The following ERC2 variants were observed in gnomAD, a reference collection of about 807,000 sequenced individuals.
ERC2 encodes the protein ERC protein 2.
ERC2 carries 42 observed loss-of-function variants against 114.8 expected under a neutral mutation model. The observed-to-expected ratio is 0.37, with a 90% confidence interval of 0.29 to 0.47. ERC2 has a LOEUF of 0.47. ERC2 is among the 20% of genes least tolerant of loss of function. The pLI is 0.99. For synonymous variants in ERC2, 454 were observed against 425.5 expected, an observed-to-expected ratio of 1.07 and a Z score of -0.82; for missense variants, 939 against 1,150.7, an observed-to-expected ratio of 0.82 and a Z score of 2.66.
chr3:56,369,297 A>G (rs974881628), intron 2 of ERC2, among the ~76,000 whole-genome samples: 16 of 152,226 alleles, frequency 1.1e-4, no homozygotes, highest in African/African-American at 3.6e-4. Flanking sequence ...TTCTGAACAC[A>G]CTGTCTATCA....
chr3:55,765,350 C>T (rs1342200824), intron 14 of ERC2, among the ~76,000 whole-genome samples: 1 of 152,158 alleles, frequency 6.6e-6, no homozygotes, highest in East Asian at 1.9e-4. Flanking sequence ...GATTAAATTG[C>T]CCATCCATCT....
intron 17 of ERC2, among the ~76,000 whole-genome samples, chr3:55,515,062 A>C (rs371819860): frequency 1.0e-3 from 159 of 152,354 alleles, no homozygotes; most frequent in African/African-American, 3.7e-3. Context: ...ACAGATCAAT[A>C]AATGAATGAG....
chr3:55,762,569 A>G (rs2067518396), intron 14 of ERC2, among the ~76,000 whole-genome samples: 1 of 152,122 alleles, frequency 6.6e-6, no homozygotes, highest in South Asian at 2.1e-4. Context: ...AAGGTAATAC[A>G]TATTGTAAGC....
chr3:55,752,546 T>C (rs2066779048), intron 14 of ERC2, among the ~76,000 whole-genome samples: 1 of 152,178 alleles, frequency 6.6e-6, no homozygotes, highest in South Asian at 2.1e-4. Context: ...GAGCCTACAA[T>C]AGGAAATACA....
chr3:55,997,490 T>C (rs2071610018), intron 10 of ERC2, among the ~76,000 whole-genome samples: 1 of 148,612 alleles, frequency 6.7e-6, no homozygotes, highest in East Asian at 1.9e-4. Flanking sequence ...TTTAAGGTGA[T>C]TATTGAGTTA....
At chr3:55,772,750 C>T (rs556802154) in intron 14 of ERC2, among the ~76,000 whole-genome samples, 1 of 152,256 alleles carries the variant, frequency 6.6e-6, no homozygotes, top group East Asian at 1.9e-4. Flanking sequence ...GAAGAGGGTC[C>T]CTTGGGCCTG....
At chr3:55,636,585 T>A (rs906040464) in intron 17 of ERC2, among the ~76,000 whole-genome samples, 1 of 152,168 alleles carries the variant, frequency 6.6e-6, no homozygotes, top group African/African-American at 2.4e-5. Flanking sequence ...ACCCAAACTA[T>A]AATACACTAA....
At chr3:55,543,271 G>T (rs1469057408) in intron 17 of ERC2, among the ~76,000 whole-genome samples, 1 of 152,210 alleles carries the variant, frequency 6.6e-6, no homozygotes, top group Non-Finnish European at 1.5e-5. Flanking sequence ...GCACTTGGAG[G>T]GAGAGCTACA....
chr3:56,285,262 C>G (rs1239007671), intron 3 of ERC2, among the ~76,000 whole-genome samples: 1 of 151,870 alleles, frequency 6.6e-6, no homozygotes, highest in Non-Finnish European at 1.5e-5. Flanking sequence ...CCCAGGCCAG[C>G]CAGCAGAACG....
intron 7 of ERC2, among the ~76,000 whole-genome samples, chr3:56,044,342 AT>A (rs991533684): frequency 4.6e-5 from 7 of 151,022 alleles, no homozygotes; most frequent in Admixed American, 6.6e-5. Context: ...GGGTTTTAGG[AT>A]TTTTTTTTCA....
chr3:55,696,964 T>G (rs2062965035), intron 16 of ERC2, among the ~76,000 whole-genome samples: 1 of 152,232 alleles, frequency 6.6e-6, no homozygotes, highest in African/African-American at 2.4e-5. Context: ...GTCAAGGGTA[T>G]TTTACTTTCA....
At chr3:56,459,129 GGC>G (rs2063196489) in intron 1 of ERC2, among the ~76,000 whole-genome samples, 1 of 152,098 alleles carries the variant, frequency 6.6e-6, no homozygotes, top group Non-Finnish European at 1.5e-5. Context: ...AATCACCTCA[GGC>G]CCATAGAGGA....
chr3:56,216,836 C>T (rs1466994224), intron 3 of ERC2, among the ~76,000 whole-genome samples: 6 of 152,194 alleles, frequency 3.9e-5, no homozygotes, highest in Non-Finnish European at 7.3e-5. Context: ...GCTGGTTCAA[C>T]AAACGCAAAT....
chr3:56,013,857 A>G (rs1024067435), intron 8 of ERC2, among the ~76,000 whole-genome samples: 1 of 152,178 alleles, frequency 6.6e-6, no homozygotes, highest in East Asian at 1.9e-4. Flanking sequence ...GGACCCAGGA[A>G]ACTGTATTTT....
intron 2 of ERC2, among the ~76,000 whole-genome samples, chr3:56,352,420 C>G (rs1465706794): frequency 6.6e-6 from 1 of 152,124 alleles, no homozygotes; most frequent in East Asian, 1.9e-4. Context: ...TGTGGTACAG[C>G]TAGGATGCTG....
At chr3:55,792,991 G>C (rs1464933540) in intron 14 of ERC2, among the ~76,000 whole-genome samples, 1 of 152,186 alleles carries the variant, frequency 6.6e-6, no homozygotes, top group Non-Finnish European at 1.5e-5. Flanking sequence ...ATAACCCTGA[G>C]CCCTGGGGAG....
intron 12 of ERC2, 46 bp from the exon 13 acceptor site, chr3:55,950,606 T>C (rs2067432287): frequency 1.2e-6 from 2 of 1,606,230 alleles, no homozygotes; most frequent in Non-Finnish European, 1.7e-6. Context: ...CACTGGAAGA[T>C]CATATGTTAT....
intron 3 of ERC2, among the ~76,000 whole-genome samples, chr3:56,228,493 T>C (rs1244885066): frequency 6.6e-6 from 1 of 152,240 alleles, no homozygotes; most frequent in African/African-American, 2.4e-5. Flanking sequence ...CTTAGCATAA[T>C]GTCCTTAAGT....
chr3:56,376,459 CAA>C (rs35882741), intron 2 of ERC2, among the ~76,000 whole-genome samples: 84 of 143,656 alleles, frequency 5.8e-4, no homozygotes, highest in Middle Eastern at 3.6e-3. Context: ...TAATTGCTCC[CAA>C]AAAAAAAAAA....
Sources: gnomAD v4.1 joint callset for allele counts (sites outside exome capture counted in the v4.1 genomes callset) on GRCh38, gnomAD v4.1.1 for gene constraint, MANE v1.5 for transcripts, NCBI Gene and HGNC (gene_info 2026-07-23, HGNC 2026-07-21) for gene names.